The following PRLR variants were observed in gnomAD, a reference collection of about 807,000 sequenced individuals.
PRLR encodes prolactin receptor.
In PRLR, 13 loss-of-function variants were observed where a neutral mutation model predicts 40.2. That is an observed-to-expected ratio of 0.32 (90% confidence interval 0.21 to 0.51). The LOEUF (loss-of-function observed/expected upper bound fraction) is 0.51, where lower values mean the gene tolerates loss of function less well. Ranked by LOEUF, PRLR falls within the 20% of genes least tolerant of loss-of-function variation. PRLR has a pLI of 0.97. For missense variants in PRLR, 656 were observed against 747.3 expected (o/e 0.88, Z 1.42); for synonymous variants, 269 against 278.7 (o/e 0.97, Z 0.35).
At chr5:35,097,810 G>A (rs538917099) in intron 2 of PRLR, among the ~76,000 whole-genome samples, 2 of 152,232 alleles carry the variant, frequency 1.3e-5, no homozygotes, top group East Asian at 3.9e-4. Flanking sequence ...CAGATCATAT[G>A]TGTCAAGATC....
intron 2 of PRLR, 84 bp from the exon 3 acceptor site, chr5:35,089,747 T>G (rs1771086743): frequency 1.3e-6 from 1 of 766,632 alleles, no homozygotes; most frequent in South Asian, 1.6e-5. Flanking sequence ...TATTTGCAAC[T>G]GATTGTTGCT....
chr5:35,160,496 A>G (rs1774643236), intron 1 of PRLR, among the ~76,000 whole-genome samples: 1 of 152,140 alleles, frequency 6.6e-6, no homozygotes, highest in South Asian at 2.1e-4. Context: ...GGTTTAAATG[A>G]TAATAGCCCC....
At chr5:35,152,478 C>A (rs964669111) in intron 1 of PRLR, among the ~76,000 whole-genome samples, 1 of 151,690 alleles carries the variant, frequency 6.6e-6, no homozygotes, top group African/African-American at 2.4e-5. Context: ...TTCAAATCAT[C>A]ACAAAAAATT....
chr5:35,201,990 C>A (rs973854580), intron 1 of PRLR, among the ~76,000 whole-genome samples: 1 of 152,132 alleles, frequency 6.6e-6, no homozygotes, highest in African/African-American at 2.4e-5. Context: ...TGCATAAAGA[C>A]CTCTAGATAA....
At chr5:35,101,706 A>G (rs1251820667) in intron 2 of PRLR, among the ~76,000 whole-genome samples, 1 of 149,508 alleles carries the variant, frequency 6.7e-6, no homozygotes, top group Non-Finnish European at 1.5e-5. Context: ...ATATAAAAAC[A>G]TACATATATA....
intron 1 of PRLR, among the ~76,000 whole-genome samples, chr5:35,194,691 T>C (rs1449360655): frequency 6.6e-6 from 1 of 152,148 alleles, no homozygotes; most frequent in Non-Finnish European, 1.5e-5. Flanking sequence ...TTCTGCATGA[T>C]TCTGACTACA....
At chr5:35,087,874 T>G (rs1770956747) in intron 3 of PRLR, among the ~76,000 whole-genome samples, 1 of 152,198 alleles carries the variant, frequency 6.6e-6, no homozygotes. Context: ...CAGCTGATCC[T>G]CTTTTTTGTC....
Position 35,066,786 on chromosome 5 carries a change from C to T in PRLR, c.856-684G>A, listed in dbSNP as rs1374077994. Among the ~76,000 whole-genome samples the T allele has an allele frequency of 1.1e-4, 13 of 121,716 alleles. No individual in the cohort carries two copies. The East Asian group carries it at 1.8e-3, about 17-fold the overall frequency. 79.9% of individuals were successfully genotyped at this position (121,716 alleles called of 152,430 possible). ...CTTTTTTTTTTTTTTTTTTTTGAGA[C>T]GGAGTCTCGCTCTGTTGCCCAGGCT... On this transcript the variant is annotated intron_variant, in intron 9 of 9. Coordinates refer to ENST00000618457, the MANE Select transcript of PRLR (RefSeq NM_000949.7).
chr5:35,086,197 G>C lies in PRLR; in HGVS notation c.203+11C>G, dbSNP rs1349689137. On this transcript the variant is annotated intron_variant, in intron 4 of 9. Coordinates refer to ENST00000618457, the MANE Select transcript of PRLR (RefSeq NM_000949.7). The stretch of plus-strand genomic sequence containing the variant: ...ATGTGGGGTTTCATAGGAGAGAAGG[G>C]AACTTCTTACCCTTCCCTGTGGTAA... 6.2e-7 allele frequency: 1 copy of C among 1,613,652 alleles called. No homozygotes were observed. Among genetic ancestry groups the C allele is most frequent in the Non-Finnish European group, 8.5e-7 (1 of 1,179,770 alleles).
Position 35,200,214 on chromosome 5 carries a change from G to A in PRLR, c.-106+30054C>T, listed in dbSNP as rs373438198. On this transcript the variant is annotated intron_variant, in intron 1 of 9. Coordinates refer to ENST00000618457, the MANE Select transcript of PRLR (RefSeq NM_000949.7). The stretch of plus-strand genomic sequence containing the variant: ...GGTTTAGAAATAATATAGTTAACAC[G>A]CCTGTCCTATACACCAAGTATCAAA... Among the ~76,000 whole-genome samples, 30 of 152,298 alleles carry A rather than the reference G, an allele frequency of 2.0e-4. 1 individual carries two copies. In the East Asian group the frequency reaches 5.6e-3, roughly 28 times the overall value.
At position 35,061,584 on chromosome 5, in the gene PRLR, T is replaced by C. The variant is rs1769040171; in HGVS notation, c.*3505A>G. ...ACTTAGGAAAATGTAGAGTCTGTTA[T>C]ATAGCTAATAAATGTAGGATCTGTT... On this transcript the variant is annotated 3_prime_UTR_variant, in exon 10 of 10. Transcript: ENST00000618457. 6.6e-6 allele frequency: 1 copy of C among 152,178 alleles called. No individual in the cohort carries two copies. Among genetic ancestry groups the C allele is most frequent in the South Asian group, 2.1e-4 (1 of 4,826 alleles). 9.4% of individuals were successfully genotyped at this position (152,178 alleles called of 1,614,324 possible).
rs2112353004 is a variant in PRLR, at chr5:35,061,630, A to G, written c.*3459T>C. On this transcript the variant is annotated 3_prime_UTR_variant, in exon 10 of 10. Coordinates refer to ENST00000618457, the MANE Select transcript of PRLR (RefSeq NM_000949.7). ...CTGTTAAATATCTGACACAGCTGATATAACTTGTGCTTATACACATCTGTT... is the reference window on the plus strand; with the variant it reads ...CTGTTAAATATCTGACACAGCTGATGTAACTTGTGCTTATACACATCTGTT... The G allele has an allele frequency of 6.6e-6, 1 of 152,364 alleles. No individual in the cohort carries two copies. The highest frequency in any genetic ancestry group is 2.4e-5 in the African/African-American group (1 of 41,588). 9.4% of individuals were successfully genotyped at this position (152,364 alleles called of 1,614,324 possible). A position where few individuals can be genotyped will look rare whatever the true frequency, so the allele number is the denominator to read the frequency against.
chr5:35,068,942 A>C, intron 7 of PRLR, 64 bp from the exon 8 acceptor site: 2 of 1,235,496 alleles, frequency 1.6e-6, no homozygotes, highest in African/African-American at 1.5e-5. Flanking sequence ...AACCAACCTA[A>C]TGAATGAAAC....
intron 1 of PRLR, among the ~76,000 whole-genome samples, chr5:35,156,139 ACAAAAAAAAAAAC>A (rs1561338308): frequency 2.1e-5 from 3 of 141,216 alleles, no homozygotes; most frequent in African/African-American, 7.8e-5. Flanking sequence ...AAAAAAAAAA[ACAAAAAAAAAAAC>A]AAAACCAACT....
intron 5 of PRLR, among the ~76,000 whole-genome samples, chr5:35,083,943 G>A (rs956090597): frequency 6.6e-6 from 1 of 150,522 alleles, no homozygotes; most frequent in African/African-American, 2.4e-5. Context: ...TACCAATGAT[G>A]TATATATATA....
chr5:35,196,125 C>A (rs1360498938), intron 1 of PRLR, among the ~76,000 whole-genome samples: 1 of 151,748 alleles, frequency 6.6e-6, no homozygotes, highest in Non-Finnish European at 1.5e-5. Flanking sequence ...GAAATATTGG[C>A]AATGATAAAG....
chr5:35,214,315 C>T (rs1273198923), intron 1 of PRLR, among the ~76,000 whole-genome samples: 1 of 152,176 alleles, frequency 6.6e-6, no homozygotes, highest in Non-Finnish European at 1.5e-5. Context: ...GGACAGTGGC[C>T]CTGAAACTGT....
chr5:35,143,110 A>T (rs1400282413), intron 1 of PRLR, among the ~76,000 whole-genome samples: 1 of 152,224 alleles, frequency 6.6e-6, no homozygotes, highest in East Asian at 1.9e-4. Context: ...AAAAGTTATG[A>T]TTATGCAAAT....
chr5:35,198,067 C>T (rs956208861), intron 1 of PRLR, among the ~76,000 whole-genome samples: 6 of 152,222 alleles, frequency 3.9e-5, no homozygotes, highest in Non-Finnish European at 5.9e-5. Context: ...CAATATCTTT[C>T]AGCCTCCCTC....
Sources: gnomAD v4.1 joint callset for allele counts (sites outside exome capture counted in the v4.1 genomes callset) on GRCh38, gnomAD v4.1.1 for gene constraint, MANE v1.5 for transcripts, NCBI Gene and HGNC (gene_info 2026-07-23, HGNC 2026-07-21) for gene names.